Variants in PGM5 observed in about 807,000 individuals in gnomAD.
PGM5 encodes phosphoglucomutase-like protein 5.
Under a neutral mutation model 59.2 loss-of-function variants are expected in PGM5, and 23 were observed. That is an observed-to-expected ratio of 0.39 (90% CI 0.28 to 0.55). The LOEUF (loss-of-function observed/expected upper bound fraction) is 0.55, where lower values mean the gene tolerates loss of function less well. Ranked by LOEUF, PGM5 falls within the 20% of genes least tolerant of loss-of-function variation. The pLI is 0.66. For missense variants in PGM5, 574 were observed against 748.3 expected, an observed-to-expected ratio of 0.77 and a Z score of 2.72; for synonymous variants, 214 against 286.0, an observed-to-expected ratio of 0.75 and a Z score of 2.54.
intron 9 of PGM5, among the ~76,000 whole-genome samples, chr9:68,484,817 T>C (rs1824268458): frequency 6.6e-6 from 1 of 152,162 alleles, no homozygotes; most frequent in Non-Finnish European, 1.5e-5. Context: ...GAGTCAGTCC[T>C]TGGAATTGTA....
intron 10 of PGM5, among the ~76,000 whole-genome samples, chr9:68,510,032 T>C (rs919594343): frequency 2.0e-5 from 3 of 152,030 alleles, no homozygotes; most frequent in Non-Finnish European, 4.4e-5. Flanking sequence ...AAAACCACTG[T>C]CACTTTCTCA....
chr9:68,390,179 G>A (rs1197983616), intron 4 of PGM5, among the ~76,000 whole-genome samples: 1 of 152,058 alleles, frequency 6.6e-6, no homozygotes, highest in Non-Finnish European at 1.5e-5. Context: ...TACTCTAAGG[G>A]CTTCTGGCTA....
chr9:68,359,578 T>C (rs1215898541), intron 1 of PGM5, among the ~76,000 whole-genome samples: 1 of 152,224 alleles, frequency 6.6e-6, no homozygotes, highest in Non-Finnish European at 1.5e-5. Flanking sequence ...AAAATTGGTC[T>C]TGAATGATTG....
intron 6 of PGM5, among the ~76,000 whole-genome samples, chr9:68,456,215 A>C (rs1379889021): frequency 4.6e-5 from 7 of 151,838 alleles, no homozygotes; most frequent in African/African-American, 1.7e-4. Flanking sequence ...GTACCAACTT[A>C]TAATCTTGCT....
chr9:68,391,428 G>A (rs263797), intron 4 of PGM5, 106 bp from the exon 5 acceptor site: 270,372 of 771,852 alleles, frequency 0.35, 65,225 homozygotes, highest in East Asian at 0.68. Flanking sequence ...GTAAATTTAT[G>A]TTTTTCTTCT....
chr9:68,391,425 T>C, intron 4 of PGM5, 109 bp from the exon 5 acceptor site: 1 of 809,524 alleles, frequency 1.2e-6, no homozygotes, highest in Non-Finnish European at 1.9e-6. Flanking sequence ...ATTGTAAATT[T>C]ATGTTTTTCT....
intron 10 of PGM5, among the ~76,000 whole-genome samples, chr9:68,509,002 G>C (rs1344444285): frequency 5.3e-5 from 8 of 152,232 alleles, no homozygotes; most frequent in Admixed American, 5.2e-4. Flanking sequence ...CTCTGGACTA[G>C]TGTGTGCAAT....
At chr9:68,452,299 C>A (rs1322100741) in intron 6 of PGM5, among the ~76,000 whole-genome samples, 1 of 152,174 alleles carries the variant, frequency 6.6e-6, no homozygotes, top group African/African-American at 2.4e-5. Flanking sequence ...AAGCTCCCTG[C>A]CCTTCTCTTA....
At chr9:68,435,208 T>C (rs1236920859) in intron 6 of PGM5, among the ~76,000 whole-genome samples, 1 of 152,230 alleles carries the variant, frequency 6.6e-6, no homozygotes, top group Non-Finnish European at 1.5e-5. Context: ...CCATGCACAT[T>C]TAATTTTATT....
chr9:68,480,990 G>A (rs1824188948), intron 8 of PGM5, among the ~76,000 whole-genome samples: 1 of 152,206 alleles, frequency 6.6e-6, no homozygotes, highest in African/African-American at 2.4e-5. Context: ...GAACTTGGAG[G>A]TGGGGCAAGG....
At chr9:68,483,555 G>A (rs1267585611) in intron 8 of PGM5, among the ~76,000 whole-genome samples, 1 of 152,198 alleles carries the variant, frequency 6.6e-6, no homozygotes. Context: ...AGTCAAAGAG[G>A]TGGGCCAGGG....
chr9:68,507,783 G>A (rs1158206997), intron 10 of PGM5, among the ~76,000 whole-genome samples: 9 of 152,086 alleles, frequency 5.9e-5, no homozygotes, highest in African/African-American at 2.2e-4. Flanking sequence ...TGGAAAGGCA[G>A]ACAAAACGCC....
chr9:68,412,816 G>T (rs1822957039), intron 6 of PGM5, among the ~76,000 whole-genome samples: 1 of 152,238 alleles, frequency 6.6e-6, no homozygotes, highest in South Asian at 2.1e-4. Flanking sequence ...TCCAGAGCAT[G>T]TTAATTGTTT....
intron 6 of PGM5, among the ~76,000 whole-genome samples, chr9:68,446,138 T>C: frequency 6.6e-6 from 1 of 151,174 alleles, no homozygotes; most frequent in Non-Finnish European, 1.5e-5. Flanking sequence ...TCCAGAGGCC[T>C]GACCAAATGA....
intron 6 of PGM5, among the ~76,000 whole-genome samples, chr9:68,422,324 A>G (rs114878359): frequency 0.012 from 1,900 of 152,296 alleles, 45 homozygotes; most frequent in African/African-American, 0.043. Context: ...ATGTTGAGTT[A>G]TATTATTGGG....
At chr9:68,517,029 G>A (rs1187462791) in intron 10 of PGM5, among the ~76,000 whole-genome samples, 4 of 151,066 alleles carry the variant, frequency 2.6e-5, no homozygotes, top group South Asian at 4.2e-4. Context: ...GCACCACCAC[G>A]CCCGGCTAAT....
intron 9 of PGM5, among the ~76,000 whole-genome samples, chr9:68,487,992 G>T (rs143588011): frequency 2.6e-5 from 4 of 152,146 alleles, no homozygotes; most frequent in African/African-American, 9.7e-5. Context: ...TCATATAAGC[G>T]TTTGGGAGAA....
chr9:68,479,612 T>C, intron 8 of PGM5, 59 bp downstream of exon 8: 1 of 1,551,890 alleles, frequency 6.4e-7, no homozygotes, highest in African/African-American at 1.4e-5. Flanking sequence ...TAGAACAGGT[T>C]TCTAAAACTG....
intron 6 of PGM5, among the ~76,000 whole-genome samples, chr9:68,407,508 G>A (rs1822844440): frequency 6.6e-6 from 1 of 152,008 alleles, no homozygotes; most frequent in Admixed American, 6.6e-5. Context: ...CCTCTGTTAG[G>A]TGCTCCCATA....
Sources: gnomAD v4.1 joint callset for allele counts (sites outside exome capture counted in the v4.1 genomes callset) on GRCh38, gnomAD v4.1.1 for gene constraint, MANE v1.5 for transcripts, NCBI Gene and HGNC (gene_info 2026-07-23, HGNC 2026-07-21) for gene names.